The following TRANK1 variants were observed in gnomAD, a reference collection of about 807,000 sequenced individuals.
TRANK1 encodes TPR and ankyrin repeat-containing protein 1.
A neutral mutation model predicts 266.0 loss-of-function variants in TRANK1; 198 were observed. The ratio of observed to expected loss-of-function variants is 0.74; its 90% CI spans 0.66 to 0.84. The LOEUF is 0.84. Among genes scored for constraint, TRANK1 ranks in the 40% least tolerant of loss-of-function variants. The pLI, the probability that TRANK1 is intolerant of heterozygous loss-of-function variation, is 0.00. For missense variants in TRANK1, 3,326 were observed against 3,634.6 expected (o/e 0.92, Z 2.18); for synonymous variants, 1,396 against 1,384.1 (o/e 1.01, Z -0.19).
intron 18 of TRANK1, among the ~76,000 whole-genome samples, chr3:36,841,950 G>A (rs1225516207): frequency 6.6e-6 from 1 of 151,942 alleles, no homozygotes; most frequent in Non-Finnish European, 1.5e-5. Context: ...ACTTGCAGGT[G>A]AAGTCATCAC....
At chr3:36,897,349 A>G (rs2079808140) in intron 4 of TRANK1, among the ~76,000 whole-genome samples, 1 of 152,220 alleles carries the variant, frequency 6.6e-6, no homozygotes. Context: ...TTGGGTTTGA[A>G]AGAAAATGAA....
chr3:36,850,733 T>C, intron 15 of TRANK1: 1 of 984,374 alleles, frequency 1.0e-6, no homozygotes, highest in East Asian at 1.1e-4. Context: ...TATATCAATA[T>C]TGTAATAGTT....
chr3:36,858,241 T>A (rs377134668), intron 12 of TRANK1, among the ~76,000 whole-genome samples, 192 bp from the exon 13 acceptor site: 39 of 152,292 alleles, frequency 2.6e-4, no homozygotes, highest in African/African-American at 9.1e-4. Context: ...CATTTGGCAA[T>A]GTATAGAGAC....
At chr3:36,830,180 T>C (rs1485245681) in intron 22 of TRANK1, among the ~76,000 whole-genome samples, 1 of 152,096 alleles carries the variant, frequency 6.6e-6, no homozygotes, top group Non-Finnish European at 1.5e-5. Context: ...CTGTGCATGG[T>C]GATAGTCACC....
chr3:36,898,577 C>A (rs2079827716), intron 4 of TRANK1, among the ~76,000 whole-genome samples: 2 of 152,156 alleles, frequency 1.3e-5, no homozygotes, highest in Admixed American at 1.3e-4. Flanking sequence ...ACCAGCCGGG[C>A]AGGGTGGCTC....
chr3:36,871,341 T>C lies in TRANK1; in HGVS notation c.1078+2785A>G, dbSNP rs2079305986. Among the ~76,000 whole-genome samples, 3 of 152,154 alleles carry C rather than the reference T, an allele frequency of 2.0e-5. No individual in the cohort carries two copies. In the South Asian group the frequency reaches 6.2e-4, roughly 32 times the overall value. ...AGGCGGAGGTTGCAGTGAGCCAAGA[T>C]CGTGCCACTGCACTCCAGCCTGGGT... On this transcript the variant is annotated intron_variant, in intron 9 of 23. Transcript: ENST00000645898.
At position 36,857,304 on chromosome 3, in the gene TRANK1, C is replaced by A. The variant is rs200118830; in HGVS notation, c.2418G>T (p.Arg806Ser). Residue 806 changes from arginine (R) to serine (S), a missense_variant, in exon 13 of 24, where the codon AGG (arginine) becomes AGT (serine). Physicochemically the swap from Arg to Ser is moderately radical, Grantham distance 110. Coordinates refer to ENST00000645898, the MANE Select transcript of TRANK1 (RefSeq NM_001329998.2). The surrounding 1 kb of genome is among the most constrained non-coding windows in gnomAD (Gnocchi z 4.3). The stretch of plus-strand genomic sequence containing the variant: ...CCTGATCATCATTGCCCTCCTTCCC[C>A]CTGTTATCATCAGGCACAAGCTGCA... ...GALQLVPDDN[R>S]GKEGNDDQDD... 2.0e-4 allele frequency: 320 copies of A among 1,609,208 alleles called. No individual in the cohort carries two copies. In the African/African-American group the frequency reaches 4.0e-3, roughly 20 times the overall value.
Position 36,831,403 on chromosome 3 carries a change from C to A in TRANK1, c.8180G>T (p.Cys2727Phe). ...ASIQRKLRRA[C>F]LVVSLCISWR... is the part of the protein sequence containing the mutation. ...ACTGATGCACAGAGACACCACCAGG[C>A]ATGCCCTCCTCAACTTCCGCTGTAT... The change falls in exon 22 of 24, where the codon TGC becomes TTC. Residue 2727 changes from cysteine (C) to phenylalanine (F), a missense_variant. Coordinates refer to ENST00000645898, the MANE Select transcript of TRANK1 (RefSeq NM_001329998.2). This position sits in a 1 kb window ranked among gnomAD's most constrained non-coding sequence, Gnocchi z 5.0. 1 of 1,613,058 alleles carries A rather than the reference C, an allele frequency of 6.2e-7. No homozygotes were observed. The highest frequency in any genetic ancestry group is 8.5e-7 in the Non-Finnish European group (1 of 1,179,468).
chr3:36,833,698 C>T lies in TRANK1; in HGVS notation c.5885G>A (p.Arg1962Lys), dbSNP rs748432546. ...CTTCATCAGCAGGGCAGCCTCTTCT[C>T]TCCTACCTTCCCTGTTCAGCAGGTC... is the stretch of plus-strand genomic sequence containing the variant. Reference protein sequence around the residue: ...AADLLNREGRREEAALLMKQH... With the variant: ...AADLLNREGRKEEAALLMKQH... Residue 1962 changes from arginine to lysine, a missense_variant, in exon 22 of 24, where the codon AGA becomes AAA. Arg to Lys is a conservative substitution (Grantham distance 26). Transcript: ENST00000645898. 1.2e-6 allele frequency: 2 copies of T among 1,614,024 alleles called. No individual in the cohort carries two copies. Among genetic ancestry groups the T allele is most frequent in the Admixed American group, 1.7e-5 (1 of 60,024 alleles).
chr3:36,901,504 T>C (rs1304063081), intron 3 of TRANK1, among the ~76,000 whole-genome samples: 3 of 152,220 alleles, frequency 2.0e-5, no homozygotes, highest in Non-Finnish European at 4.4e-5. Context: ...AAAAATATCA[T>C]AGAAGATCTC....
chr3:36,852,244 T>G lies in TRANK1; in HGVS notation c.4651A>C (p.Lys1551Gln), dbSNP rs750327709. ...PRDSGLFDGP[K>Q]PTVLESCSVS... ...CTACAAGACTCCAGAACAGTTGGCT[T>G]AGGACCATCAAAGAGGCCAGAATCC... Residue 1551 changes from lysine to glutamine, a missense_variant, in exon 14 of 24, where the codon AAG becomes CAG. By Grantham distance (53) the Lys-to-Gln change is moderately conservative. Coordinates refer to ENST00000645898, the MANE Select transcript of TRANK1 (RefSeq NM_001329998.2). 1.2e-6 allele frequency: 2 copies of G among 1,613,712 alleles called. No homozygotes were observed. Among genetic ancestry groups the G allele is most frequent in the African/African-American group, 2.7e-5 (2 of 74,902 alleles).
chr3:36,896,898 G>A (rs1023839327), intron 4 of TRANK1, among the ~76,000 whole-genome samples: 1 of 152,226 alleles, frequency 6.6e-6, no homozygotes, highest in African/African-American at 2.4e-5. Flanking sequence ...GGAGGCTGAG[G>A]CAGGAGAATC....
At position 36,851,236 on chromosome 3, in the gene TRANK1, A is replaced by G; in HGVS notation, c.4887+483T>C. 4 of 986,126 alleles carry G rather than the reference A, an allele frequency of 4.1e-6. No individual in the cohort carries two copies. The South Asian group carries it at 1.9e-4, about 46-fold the overall frequency. 61.1% of individuals were successfully genotyped at this position (986,126 alleles called of 1,614,324 possible). ...TGCTAGAGGGGTCTCTCATGCAAGG[A>G]AGCTGTTCTTGTCCCCCACATTACC... On this transcript the variant is annotated intron_variant, in intron 15 of 23. Transcript: ENST00000645898.
chr3:36,904,128 G>A (rs1324576369), intron 2 of TRANK1, among the ~76,000 whole-genome samples: 1 of 151,662 alleles, frequency 6.6e-6, no homozygotes, highest in Non-Finnish European at 1.5e-5. Flanking sequence ...GCTAATTTTT[G>A]TATTTCTAGT....
Position 36,855,426 on chromosome 3 carries a change from G to A in TRANK1, c.4296C>T (p.His1432=), listed in dbSNP as rs769379105. ...SKLRVLPWSI[H]ELYGDEIQDF... is the part of the protein sequence containing the mutation. The stretch of plus-strand genomic sequence containing the variant: ...CTTGAATCTCATCACCATAGAGCTC[G>A]TGGATGGACCATGGGAGCACCCTGA... The change falls in exon 13 of 24, where the codon CAC becomes CAT. Residue 1432 remains histidine, a synonymous_variant. Transcript: ENST00000645898. 75 of 1,613,900 alleles carry A rather than the reference G, an allele frequency of 4.6e-5. No individual in the cohort carries two copies. Among genetic ancestry groups the A allele is most frequent in the Non-Finnish European group, 5.8e-5 (69 of 1,179,898 alleles).
chr3:36,843,905 A>G (rs1018237178), intron 17 of TRANK1, among the ~76,000 whole-genome samples: 2 of 152,118 alleles, frequency 1.3e-5, no homozygotes, highest in Admixed American at 6.5e-5. Flanking sequence ...ATGTGCTGCT[A>G]TGAGTGCCCC....
At chr3:36,858,171 T>C (rs2079086202) in intron 12 of TRANK1, 122 bp from the exon 13 acceptor site, 1 of 804,744 alleles carries the variant, frequency 1.2e-6, no homozygotes. Flanking sequence ...CCCCAAAAAA[T>C]CTGAAATCCA....
At position 36,828,364 on chromosome 3, in the gene TRANK1, C is replaced by T; in HGVS notation, c.8821G>A (p.Glu2941Lys). 6.6e-7 allele frequency: 1 copy of T among 1,509,224 alleles called. No homozygotes were observed. Among genetic ancestry groups the T allele is most frequent in the Non-Finnish European group, 9.0e-7 (1 of 1,109,116 alleles). 93.5% of individuals were successfully genotyped at this position (1,509,224 alleles called of 1,614,324 possible). A position where few individuals can be genotyped will look rare whatever the true frequency, so the allele number is the denominator to read the frequency against. The change falls in exon 24 of 24, where the codon GAA (glutamate) becomes AAA (lysine). Residue 2941 changes from glutamate (E) to lysine (K), a missense_variant. Transcript: ENST00000645898. The part of the protein sequence containing the change: ...TRLKKEGIVQ[E>K]DDYENEVEDF... ...TCAACTTCATTTTCATAATCATCTT[C>T]CTGAACAATACCTGAAGAAAGAAAG...
At chr3:36,939,828 G>T (rs563823444) in intron 1 of TRANK1, among the ~76,000 whole-genome samples, 2 of 152,210 alleles carry the variant, frequency 1.3e-5, no homozygotes, top group East Asian at 3.9e-4. Context: ...ACACAACTCA[G>T]AGGCTGGCAC....
Sources: gnomAD v4.1 joint callset for allele counts (sites outside exome capture counted in the v4.1 genomes callset) on GRCh38, gnomAD v4.1.1 for gene constraint, Gnocchi (gnomAD v3.1) non-coding constraint, MANE v1.5 for transcripts, NCBI Gene and HGNC (gene_info 2026-07-23, HGNC 2026-07-21) for gene names.